Variants in FBN1 observed in about 807,000 individuals in gnomAD.
The protein encoded by FBN1 is fibrillin 1, also known as fibrillin-1.
FBN1 carries 29 observed loss-of-function variants against 365.1 expected under a neutral mutation model. The ratio of observed to expected loss-of-function variants is 0.08; its 90% confidence interval spans 0.06 to 0.11. The LOEUF (loss-of-function observed/expected upper bound fraction) is 0.11, where lower values mean the gene tolerates loss of function less well. Ranked by LOEUF, FBN1 falls within the 10% of genes least tolerant of loss-of-function variation. The pLI is 1.00. For missense variants in FBN1, 2,476 were observed against 3,703.2 expected (o/e 0.67, Z 8.60); for synonymous variants, 1,210 against 1,270.5 (o/e 0.95, Z 1.01).
At chr15:48,497,703 G>A (rs897316304) in intron 18 of FBN1, among the ~76,000 whole-genome samples, 7 of 152,030 alleles carry the variant, frequency 4.6e-5, no homozygotes, top group Non-Finnish European at 5.9e-5. Flanking sequence ...AAAATGGATC[G>A]ACAGCAGATC....
intron 57 of FBN1, 86 bp from the exon 58 acceptor site, chr15:48,427,859 CA>C (rs2042990367): frequency 2.5e-6 from 3 of 1,211,126 alleles, no homozygotes; most frequent in Non-Finnish European, 2.4e-6. Context: ...ATATAAAAAC[CA>C]AAAAAGGATG....
intron 6 of FBN1, among the ~76,000 whole-genome samples, chr15:48,541,016 C>CA (rs1425593503): frequency 6.6e-6 from 1 of 151,864 alleles, no homozygotes; most frequent in East Asian, 1.9e-4. Context: ...AAAATCCAGA[C>CA]ACTCTACAAA....
chr15:48,558,427 C>T (rs190204302), intron 6 of FBN1, among the ~76,000 whole-genome samples: 378 of 152,266 alleles, frequency 2.5e-3, no homozygotes, highest in South Asian at 4.2e-3. Context: ...AACAGGTACT[C>T]CCCCAAGTAT....
At chr15:48,551,902 T>A (rs2044145189) in intron 6 of FBN1, among the ~76,000 whole-genome samples, 1 of 152,232 alleles carries the variant, frequency 6.6e-6, no homozygotes. Context: ...TTTTCCGGTC[T>A]CATTGATGGA....
intron 2 of FBN1, among the ~76,000 whole-genome samples, chr15:48,633,754 T>TAAAC (rs1890037147): frequency 6.6e-6 from 1 of 152,184 alleles, no homozygotes; most frequent in Non-Finnish European, 1.5e-5. Flanking sequence ...AAGGTTTGGT[T>TAAAC]ATTTCAAGTA....
intron 47 of FBN1, among the ~76,000 whole-genome samples, chr15:48,446,398 G>A (rs1396195068): frequency 1.3e-5 from 2 of 152,128 alleles, no homozygotes; most frequent in Non-Finnish European, 2.9e-5. Context: ...CTATTACCAT[G>A]CCTAATTTAT....
At chr15:48,478,813 G>A (rs1256705100) in intron 32 of FBN1, among the ~76,000 whole-genome samples, 2 of 152,146 alleles carry the variant, frequency 1.3e-5, no homozygotes, top group African/African-American at 4.8e-5. Flanking sequence ...TCAGTGGGTG[G>A]ATTCTGAACA....
At chr15:48,469,791 G>T (rs1261414652) in intron 36 of FBN1, among the ~76,000 whole-genome samples, 3 of 152,082 alleles carry the variant, frequency 2.0e-5, no homozygotes, top group African/African-American at 7.2e-5. Context: ...ACTTCCTGAG[G>T]CATGCAAGAG....
rs752133637 is a variant in FBN1 at position 48,425,778 on chromosome 15, T to C, written c.7291A>G (p.Thr2431Ala). 6.2e-7 allele frequency: 1 copy of C among 1,613,464 alleles called. No homozygotes were observed. Among genetic ancestry groups the C allele is most frequent in the Non-Finnish European group, 8.5e-7 (1 of 1,179,434 alleles). ...CCAGTTATATCTGGAGTGTACCCAG[T>C]TTTACAAATGCAATGATATGATCCT... is the stretch of plus-strand genomic sequence containing the variant. ...DRGSYHCICK[T>A]GYTPDITGTS... Residue 2431 changes from threonine (T) to alanine (A), a missense_variant, in exon 59 of 66, where the codon ACT becomes GCT. Thr to Ala is a moderately conservative substitution (Grantham distance 58, BLOSUM62 0). Transcript: ENST00000316623.
At chr15:48,461,350 T>A (rs1446046241) in intron 42 of FBN1, among the ~76,000 whole-genome samples, 2 of 152,102 alleles carry the variant, frequency 1.3e-5, no homozygotes, top group Non-Finnish European at 2.9e-5. Context: ...TAAAAGTAAA[T>A]GTTAGTCTAC....
intron 10 of FBN1, 77 bp from the exon 11 acceptor site, chr15:48,516,439 T>C: frequency 7.0e-7 from 1 of 1,424,054 alleles, no homozygotes; most frequent in Non-Finnish European, 9.8e-7. Context: ...GTCATCCTTA[T>C]TTTTTTAAAG....
chr15:48,455,612 C>G (rs1043611572), intron 44 of FBN1, among the ~76,000 whole-genome samples: 3 of 152,162 alleles, frequency 2.0e-5, no homozygotes, highest in Non-Finnish European at 4.4e-5. Flanking sequence ...TGATGGCTTC[C>G]CAGAGCCCAG....
intron 6 of FBN1, among the ~76,000 whole-genome samples, chr15:48,538,977 G>C (rs1054787253): frequency 6.6e-6 from 1 of 152,200 alleles, no homozygotes; most frequent in African/African-American, 2.4e-5. Context: ...GTAGCTCATA[G>C]GACATCGCAG....
At chr15:48,549,201 G>T (rs968659677) in intron 6 of FBN1, among the ~76,000 whole-genome samples, 1 of 152,204 alleles carries the variant, frequency 6.6e-6, no homozygotes, top group Admixed American at 6.5e-5. Context: ...GACTTGGTAG[G>T]TCTAAAGGTG....
intron 6 of FBN1, among the ~76,000 whole-genome samples, chr15:48,552,396 C>T (rs1330895903): frequency 6.6e-6 from 1 of 151,914 alleles, no homozygotes; most frequent in Admixed American, 6.6e-5. Context: ...CCTCAGCCTC[C>T]CAAATAGCTG....
intron 2 of FBN1, among the ~76,000 whole-genome samples, chr15:48,635,878 A>G (rs1300969299): frequency 6.6e-6 from 1 of 152,236 alleles, no homozygotes; most frequent in Non-Finnish European, 1.5e-5. Context: ...TGCAAACACA[A>G]TATTTATGGA....
intron 2 of FBN1, among the ~76,000 whole-genome samples, chr15:48,627,632 C>T (rs895826552): frequency 1.3e-5 from 2 of 149,226 alleles, no homozygotes; most frequent in Non-Finnish European, 3.0e-5. Flanking sequence ...TCCAGATGAT[C>T]TTCTAAAAAA....
At chr15:48,480,772 G>T (rs1244766128) in intron 32 of FBN1, among the ~76,000 whole-genome samples, 1 of 152,088 alleles carries the variant, frequency 6.6e-6, no homozygotes, top group African/African-American at 2.4e-5. Flanking sequence ...TGCCAAACTG[G>T]TTTTTGGAAT....
intron 4 of FBN1, among the ~76,000 whole-genome samples, chr15:48,601,797 T>C (rs1489037052): frequency 6.6e-6 from 1 of 152,186 alleles, no homozygotes; most frequent in Non-Finnish European, 1.5e-5. Flanking sequence ...ACAAAGAAGT[T>C]AGGTTGAGTT....
Sources: allele counts gnomAD v4.1 joint callset (sites outside exome capture counted in the v4.1 genomes callset), GRCh38; gene constraint gnomAD v4.1.1; transcripts MANE v1.5; gene names NCBI Gene and HGNC (gene_info 2026-07-23, HGNC 2026-07-21).